ERC1: variants seen among roughly 807,000 people sequenced by gnomAD.
ERC1 encodes the protein ELKS/RAB6-interacting/CAST family member 1.
ERC1 carries 56 observed loss-of-function variants against 132.0 expected under a neutral mutation model. The ratio of observed to expected loss-of-function variants is 0.42; its 90% CI spans 0.34 to 0.53. The LOEUF is 0.53. ERC1 is among the 20% of genes least tolerant of loss of function. ERC1 has a pLI of 0.03. For synonymous variants in ERC1, 478 were observed against 476.1 expected (o/e 1.00, Z -0.05); for missense variants, 1,202 against 1,349.9 (o/e 0.89, Z 1.72).
rs536095340 is a variant in ERC1, at chr12:1,371,723, G to A, written c.2781-110G>A. The A allele has an allele frequency of 6.4e-4, 847 of 1,322,578 alleles. 9 individuals carry two copies. The highest frequency in any genetic ancestry group is 7.6e-4 in the Non-Finnish European group (761 of 1,003,174). The allele number at this position is 1,322,578 out of a possible 1,614,324, so 81.9% of individuals were successfully genotyped here. A position where few individuals can be genotyped will look rare whatever the true frequency, so the allele number is the denominator to read the frequency against. On this transcript the variant is annotated intron_variant, in intron 15 of 18. Transcript: ENST00000360905. The stretch of plus-strand genomic sequence containing the variant: ...GGAAGGGGTGAATGGCGCTGTTGGC[G>A]TTTGCTTTCTTGGTTTTATTACCCT...
chr12:1,392,061 A>G (rs1049091072), intron 16 of ERC1, among the ~76,000 whole-genome samples: 1 of 152,206 alleles, frequency 6.6e-6, no homozygotes, highest in Non-Finnish European at 1.5e-5. Context: ...AAGGCAGACT[A>G]TTCAGGGGAC....
chr12:1,430,775 A>T (rs1290785993), intron 17 of ERC1: 4 of 152,396 alleles, frequency 2.6e-5, no homozygotes, highest in African/African-American at 9.7e-5. Flanking sequence ...TGAAGACCTC[A>T]GCATGCCATT....
chr12:1,401,324 T>C (rs1459525260), intron 16 of ERC1, among the ~76,000 whole-genome samples: 5 of 152,032 alleles, frequency 3.3e-5, no homozygotes, highest in East Asian at 1.9e-4. Flanking sequence ...ATAGTAGCAG[T>C]AGTCATAGTA....
At chr12:1,261,333 G>A (rs1397676250) in intron 13 of ERC1, among the ~76,000 whole-genome samples, 2 of 152,052 alleles carry the variant, frequency 1.3e-5, no homozygotes, top group African/African-American at 4.8e-5. Flanking sequence ...AATGAGAAAC[G>A]TTATCAACTT....
At chr12:998,933 C>T (rs914170329) in intron 1 of ERC1, among the ~76,000 whole-genome samples, 1 of 147,448 alleles carries the variant, frequency 6.8e-6, no homozygotes, top group Non-Finnish European at 1.5e-5. Context: ...AATCTTGGCT[C>T]ACTGCAACCT....
At chr12:1,414,978 A>G (rs12302187) in intron 17 of ERC1, among the ~76,000 whole-genome samples, 83,527 of 152,042 alleles carry the variant, frequency 0.55, 26,193 homozygotes, top group African/African-American at 0.86. Flanking sequence ...CAGCACTGCT[A>G]TTACTAGAAA....
At chr12:1,330,502 A>G (rs1413182802) in intron 15 of ERC1, among the ~76,000 whole-genome samples, 1 of 152,050 alleles carries the variant, frequency 6.6e-6, no homozygotes, top group Non-Finnish European at 1.5e-5. Flanking sequence ...ACTTTAAATC[A>G]TACACTTAAA....
intron 12 of ERC1, among the ~76,000 whole-genome samples, chr12:1,208,137 T>G (rs1029733483): frequency 8.5e-5 from 13 of 152,174 alleles, no homozygotes; most frequent in African/African-American, 3.1e-4. Context: ...TTTACAGAGA[T>G]GAGATGATTT....
intron 17 of ERC1, among the ~76,000 whole-genome samples, chr12:1,420,499 AG>A (rs1428850103): frequency 6.6e-6 from 1 of 152,154 alleles, no homozygotes; most frequent in African/African-American, 2.4e-5. Context: ...TCTGTCACCC[AG>A]GCTGTAGTGC....
intron 13 of ERC1, among the ~76,000 whole-genome samples, chr12:1,239,482 C>T (rs146934050): frequency 1.1e-4 from 16 of 152,238 alleles, no homozygotes; most frequent in East Asian, 7.7e-4. Flanking sequence ...CCTAGCGACT[C>T]GGGAGGTGAG....
At chr12:1,053,136 T>C (rs1383558499) in intron 2 of ERC1, among the ~76,000 whole-genome samples, 1 of 152,220 alleles carries the variant, frequency 6.6e-6, no homozygotes, top group African/African-American at 2.4e-5. Context: ...TTAAAAGTGT[T>C]GTGAAAATAC....
At chr12:1,289,403 T>A (rs1317327632) in intron 14 of ERC1, among the ~76,000 whole-genome samples, 3 of 151,996 alleles carry the variant, frequency 2.0e-5, no homozygotes, top group Admixed American at 1.3e-4. Context: ...AATTTTAGTT[T>A]AGAGGACTAA....
intron 2 of ERC1, among the ~76,000 whole-genome samples, chr12:1,081,808 T>C (rs956677915): frequency 6.6e-6 from 1 of 152,176 alleles, no homozygotes; most frequent in Non-Finnish European, 1.5e-5. Context: ...CAGTAATGCA[T>C]TGTACACTTA....
At chr12:1,325,347 C>T (rs191493616) in intron 15 of ERC1, among the ~76,000 whole-genome samples, 54 of 152,032 alleles carry the variant, frequency 3.6e-4, no homozygotes, top group Admixed American at 2.2e-3. Flanking sequence ...TAACCAGTTT[C>T]GAGGTTGAAA....
chr12:1,160,619 T>C (rs1951798980), intron 8 of ERC1, among the ~76,000 whole-genome samples: 1 of 152,016 alleles, frequency 6.6e-6, no homozygotes, highest in African/African-American at 2.4e-5. Flanking sequence ...GCTGAGGCTG[T>C]AGAATTTCTG....
intron 7 of ERC1, among the ~76,000 whole-genome samples, chr12:1,125,310 C>G (rs1948038913): frequency 6.6e-6 from 1 of 151,782 alleles, no homozygotes; most frequent in South Asian, 2.1e-4. Flanking sequence ...TTGATATTTT[C>G]TATCAAATAT....
chr12:1,011,072 A>G (rs1323673814), intron 1 of ERC1, among the ~76,000 whole-genome samples: 1 of 152,214 alleles, frequency 6.6e-6, no homozygotes, highest in Admixed American at 6.5e-5. Context: ...TGCCAACTGC[A>G]TTTGGTGATA....
intron 17 of ERC1, among the ~76,000 whole-genome samples, chr12:1,436,971 G>GATATAT (rs140955841): frequency 4.0e-5 from 6 of 149,190 alleles, no homozygotes; most frequent in African/African-American, 1.5e-4. Flanking sequence ...AAGCCATTCA[G>GATATAT]ATATATATAT....
At chr12:1,163,315 C>T (rs1952051715) in intron 8 of ERC1, among the ~76,000 whole-genome samples, 2 of 152,084 alleles carry the variant, frequency 1.3e-5, no homozygotes, top group South Asian at 4.1e-4. Context: ...TGTTCCTTAG[C>T]AGTATTCCTT....
Sources: gnomAD v4.1 joint callset for allele counts (sites outside exome capture counted in the v4.1 genomes callset) on GRCh38, gnomAD v4.1.1 for gene constraint, MANE v1.5 for transcripts, NCBI Gene and HGNC (gene_info 2026-07-23, HGNC 2026-07-21) for gene names.